The following DCDC2 variants were observed in gnomAD, a reference collection of about 807,000 sequenced individuals.
DCDC2 encodes doublecortin domain containing 2, also known as doublecortin domain-containing protein 2.
In DCDC2, 40 loss-of-function variants were observed where a neutral mutation model predicts 50.2. The observed-to-expected ratio is 0.80, with a 90% CI of 0.62 to 1.04. The LOEUF (loss-of-function observed/expected upper bound fraction) is 1.04, where lower values mean the gene tolerates loss of function less well. DCDC2 is among the 50% of genes least tolerant of loss of function. DCDC2 has a pLI of 0.00. For synonymous variants in DCDC2, 234 were observed against 210.6 expected (o/e 1.11, Z -0.96); for missense variants, 570 against 581.9 (o/e 0.98, Z 0.21).
intron 8 of DCDC2, among the ~76,000 whole-genome samples, chr6:24,191,753 C>A (rs762360749): frequency 1.3e-5 from 2 of 152,280 alleles, no homozygotes; most frequent in Middle Eastern, 3.4e-3. Flanking sequence ...CCTTCTGATG[C>A]TCCTCTGAAG....
intron 7 of DCDC2, among the ~76,000 whole-genome samples, chr6:24,243,835 G>A (rs902415161): frequency 6.6e-6 from 1 of 152,278 alleles, no homozygotes; most frequent in East Asian, 1.9e-4. Flanking sequence ...TGGGAATGGG[G>A]GTTGAGTGAA....
At chr6:24,247,841 G>C (rs922883679) in intron 7 of DCDC2, among the ~76,000 whole-genome samples, 1 of 152,180 alleles carries the variant, frequency 6.6e-6, no homozygotes, top group Non-Finnish European at 1.5e-5. Context: ...TTGGGAGGCT[G>C]AAGCGGGTGG....
intron 2 of DCDC2, among the ~76,000 whole-genome samples, chr6:24,343,804 GAA>G (rs1760204983): frequency 6.6e-6 from 1 of 152,172 alleles, no homozygotes; most frequent in Non-Finnish European, 1.5e-5. Flanking sequence ...TCTGTATTGA[GAA>G]TAGTTTGATA....
chr6:24,235,558 T>C lies in DCDC2; in HGVS notation c.923-30456A>G, dbSNP rs554091512. 5.9e-5 allele frequency among the ~76,000 whole-genome samples: 9 copies of C among 152,238 alleles called. No individual in the cohort carries two copies. In the South Asian group the frequency reaches 1.9e-3, roughly 32 times the overall value. ...TTAAGAACAAAAAACCATATGATCA[T>C]CTCAATAGATAAAATAAAAGCTTTT... is the stretch of plus-strand genomic sequence containing the variant. On this transcript the variant is annotated intron_variant, in intron 7 of 9. Transcript: ENST00000378454.
intron 7 of DCDC2, among the ~76,000 whole-genome samples, chr6:24,265,977 T>A (rs1252387713): frequency 6.6e-6 from 1 of 151,384 alleles, no homozygotes; most frequent in East Asian, 1.9e-4. Context: ...AATTGACAAA[T>A]TTTTAGCCAG....
chr6:24,196,212 T>C (rs950711569), intron 8 of DCDC2, among the ~76,000 whole-genome samples: 2 of 119,272 alleles, frequency 1.7e-5, no homozygotes, highest in South Asian at 3.0e-4. Flanking sequence ...CCTTTCTGGG[T>C]TAATAATTGG....
chr6:24,358,911 ATTAT>A (rs1760556771), upstream of DCDC2, among the ~76,000 whole-genome samples: 3 of 36,464 alleles, frequency 8.2e-5, no homozygotes, highest in Non-Finnish European at 7.8e-5. Context: ...TATATTATAT[ATTAT>A]ATATATTATA....
intron 7 of DCDC2, among the ~76,000 whole-genome samples, chr6:24,250,968 G>T (rs896288325): frequency 2.6e-5 from 4 of 152,104 alleles, no homozygotes; most frequent in Admixed American, 2.6e-4. Context: ...TAACATAAAC[G>T]CCTTGAAAAC....
intron 6 of DCDC2, among the ~76,000 whole-genome samples, chr6:24,288,394 A>C (rs933704488): frequency 4.6e-5 from 7 of 152,266 alleles, no homozygotes; most frequent in Non-Finnish European, 8.8e-5. Context: ...CAAACCATGA[A>C]TAAATGATAA....
chr6:24,357,732 T>G lies in DCDC2; in HGVS notation c.19A>C (p.Arg7=). The change falls in exon 1 of 10, where the codon AGG becomes CGG. Residue 7 remains arginine (R), a synonymous_variant. Coordinates refer to ENST00000378454, the MANE Select transcript of DCDC2 (RefSeq NM_016356.5). The stretch of plus-strand genomic sequence containing the variant: ...ACGGGCTGAGACAGGTGGCTGGACC[T>G]GGCGCTGCTGCCGCTCATCTTCCCC... MSGSSA[R]SSHLSQPVVK... 6.2e-7 allele frequency: 1 copy of G among 1,612,456 alleles called. No individual in the cohort carries two copies.
At chr6:24,262,774 T>C (rs1314247005) in intron 7 of DCDC2, among the ~76,000 whole-genome samples, 1 of 152,222 alleles carries the variant, frequency 6.6e-6, no homozygotes. Flanking sequence ...GGAACCCACC[T>C]TGGGCCAGCA....
chr6:24,242,793 C>T (rs1413925776), intron 7 of DCDC2, among the ~76,000 whole-genome samples: 1 of 152,108 alleles, frequency 6.6e-6, no homozygotes, highest in Non-Finnish European at 1.5e-5. Context: ...AAAACCCCAT[C>T]TCTACTAGAA....
intron 7 of DCDC2, among the ~76,000 whole-genome samples, chr6:24,206,593 C>T (rs1761721678): frequency 6.6e-6 from 1 of 152,086 alleles, no homozygotes; most frequent in African/African-American, 2.4e-5. Flanking sequence ...AAAGGCAGGC[C>T]TATAGATACA....
intron 7 of DCDC2, among the ~76,000 whole-genome samples, chr6:24,232,168 T>C (rs558173389): frequency 2.0e-5 from 3 of 152,298 alleles, no homozygotes; most frequent in South Asian, 4.1e-4. Context: ...GGAATATCCA[T>C]GCACTCAAGC....
At chr6:24,379,446 A>C in the DCDC2 span, among the ~76,000 whole-genome samples, 1 of 152,270 alleles carries the variant, frequency 6.6e-6, no homozygotes, top group South Asian at 2.1e-4. Flanking sequence ...AAAAATGCTG[A>C]TCATCACTGG....
At chr6:24,220,879 A>AGAGCGAGAGAGTGAGCAAGC (rs1762089070) in intron 7 of DCDC2, among the ~76,000 whole-genome samples, 1 of 106,978 alleles carries the variant, frequency 9.3e-6, no homozygotes, top group Non-Finnish European at 1.8e-5. Context: ...CAAGAGAGCG[A>AGAGCGAGAGAGTGAGCAAGC]GAGCGAGAGA....
intron 6 of DCDC2, among the ~76,000 whole-genome samples, chr6:24,283,178 C>G (rs1763515650): frequency 6.6e-6 from 1 of 152,178 alleles, no homozygotes; most frequent in African/African-American, 2.4e-5. Context: ...TAGAAAACAG[C>G]CTTCTGCAGA....
intron 7 of DCDC2, among the ~76,000 whole-genome samples, chr6:24,270,855 T>A (rs555526305): frequency 6.6e-6 from 1 of 152,144 alleles, no homozygotes; most frequent in Non-Finnish European, 1.5e-5. Flanking sequence ...AGATAAATCA[T>A]GCTTCAGTCT....
intron 8 of DCDC2, among the ~76,000 whole-genome samples, chr6:24,179,328 A>G (rs1484000879): frequency 2.0e-5 from 3 of 151,866 alleles, no homozygotes; most frequent in Non-Finnish European, 4.4e-5. Flanking sequence ...CGGGCAGATC[A>G]TGAGGTCAGG....
Sources: gnomAD v4.1 joint callset for allele counts (sites outside exome capture counted in the v4.1 genomes callset) on GRCh38, gnomAD v4.1.1 for gene constraint, MANE v1.5 for transcripts, NCBI Gene and HGNC (gene_info 2026-07-23, HGNC 2026-07-21) for gene names.